POLR3B: variants seen among roughly 807,000 people sequenced by gnomAD.
The protein encoded by POLR3B is RNA polymerase III subunit B.
In POLR3B, 96 loss-of-function variants were observed where a neutral mutation model predicts 147.4. That is an observed-to-expected ratio of 0.65 (90% confidence interval 0.55 to 0.77). POLR3B has a LOEUF of 0.77. Among genes scored for constraint, POLR3B ranks in the 30% least tolerant of loss-of-function variants. The pLI is 0.00. For missense variants in POLR3B, 1,036 were observed against 1,413.5 expected, an observed-to-expected ratio of 0.73 and a Z score of 4.28; for synonymous variants, 461 against 485.9, an observed-to-expected ratio of 0.95 and a Z score of 0.67.
chr12:106,433,669 G>A lies in POLR3B; in HGVS notation c.1628-50G>A, dbSNP rs751893102. 10 of 1,484,820 alleles carry A rather than the reference G, an allele frequency of 6.7e-6. No homozygotes were observed. In the Admixed American group the frequency reaches 1.4e-4, roughly 21 times the overall value. The allele number at this position is 1,484,820 out of a possible 1,614,324, so 92.0% of individuals were successfully genotyped here. A position where few individuals can be genotyped will look rare whatever the true frequency, so the allele number is the denominator to read the frequency against. On this transcript the variant is annotated intron_variant, in intron 15 of 27. Coordinates refer to ENST00000228347, the MANE Select transcript of POLR3B (RefSeq NM_018082.6). ...TTATTGGTTGGATATATTAAATCAG[G>A]TTGCATTTATTTTTTATTTCTGTCT... is the stretch of plus-strand genomic sequence containing the variant.
chr12:106,410,628 A>G, intron 11 of POLR3B, 198 bp from the exon 12 acceptor site: 1 of 595,620 alleles, frequency 1.7e-6, no homozygotes, highest in Non-Finnish European at 3.0e-6. Flanking sequence ...AGGTACTCAC[A>G]GGTTACTGAG....
chr12:106,388,451 G>T (rs2036870391), intron 9 of POLR3B, among the ~76,000 whole-genome samples: 1 of 152,040 alleles, frequency 6.6e-6, no homozygotes, highest in Non-Finnish European at 1.5e-5. Context: ...CCAAGTAGCT[G>T]GGATTACAGG....
chr12:106,483,499 G>A (rs373140403), intron 23 of POLR3B, among the ~76,000 whole-genome samples: 2 of 152,310 alleles, frequency 1.3e-5, no homozygotes, highest in East Asian at 3.9e-4. Flanking sequence ...ATAGTTAAAT[G>A]CTAAATTATA....
intron 6 of POLR3B, among the ~76,000 whole-genome samples, chr12:106,375,495 A>G (rs895183908): frequency 4.0e-5 from 6 of 151,650 alleles, no homozygotes; most frequent in African/African-American, 1.5e-4. Flanking sequence ...TGACTCTTAA[A>G]CTCTCTTTCA....
At chr12:106,362,975 A>G (rs2036489292) in intron 1 of POLR3B, among the ~76,000 whole-genome samples, 1 of 151,928 alleles carries the variant, frequency 6.6e-6, no homozygotes, top group Admixed American at 6.6e-5. Flanking sequence ...TTCCGTCATC[A>G]TAGATTAGCT....
chr12:106,376,980 G>A (rs10861585), intron 7 of POLR3B, among the ~76,000 whole-genome samples: 47,332 of 151,896 alleles, frequency 0.31, 9,298 homozygotes, highest in African/African-American at 0.55. Context: ...ACACATTCTT[G>A]TTTATTGCCA....
chr12:106,397,361 T>G (rs1002159628), intron 10 of POLR3B, among the ~76,000 whole-genome samples: 2 of 152,192 alleles, frequency 1.3e-5, no homozygotes, highest in African/African-American at 4.8e-5. Flanking sequence ...TTACAAGATA[T>G]AGAATATTTC....
At chr12:106,413,922 G>A (rs2037264602) in intron 12 of POLR3B, among the ~76,000 whole-genome samples, 1 of 151,622 alleles carries the variant, frequency 6.6e-6, no homozygotes, top group Non-Finnish European at 1.5e-5. Flanking sequence ...CATATTTTTG[G>A]TAATTTATTG....
chr12:106,365,882 T>TC (rs2036529964), intron 2 of POLR3B, among the ~76,000 whole-genome samples: 1 of 151,930 alleles, frequency 6.6e-6, no homozygotes, highest in Non-Finnish European at 1.5e-5. Context: ...AATTTTTTTT[T>TC]TGTTAAAAAC....
intron 9 of POLR3B, among the ~76,000 whole-genome samples, chr12:106,385,958 T>C (rs2036830119): frequency 6.6e-6 from 1 of 152,232 alleles, no homozygotes; most frequent in African/African-American, 2.4e-5. Flanking sequence ...ACGGTTTGCA[T>C]TTTTTAAGCA....
chr12:106,441,756 G>T (rs960769798), intron 18 of POLR3B, among the ~76,000 whole-genome samples: 2 of 151,720 alleles, frequency 1.3e-5, no homozygotes, highest in South Asian at 4.2e-4. Context: ...GTTTTCATTC[G>T]AACTAAATTT....
intron 1 of POLR3B, among the ~76,000 whole-genome samples, chr12:106,362,112 T>C (rs1435969903): frequency 6.6e-6 from 1 of 152,086 alleles, no homozygotes; most frequent in Admixed American, 6.6e-5. Context: ...CAAGAAAGTT[T>C]TAAATTTTTT....
intron 22 of POLR3B, among the ~76,000 whole-genome samples, chr12:106,462,565 C>T (rs2037953491): frequency 6.6e-6 from 1 of 152,080 alleles, no homozygotes; most frequent in Non-Finnish European, 1.5e-5. Flanking sequence ...CTACTCTGGC[C>T]ATGTTACTCT....
chr12:106,491,054 A>G (rs985467236), intron 23 of POLR3B, among the ~76,000 whole-genome samples: 1 of 152,190 alleles, frequency 6.6e-6, no homozygotes, highest in African/African-American at 2.4e-5. Flanking sequence ...CTATTCATTA[A>G]GTTGGTCTCC....
chr12:106,469,986 A>C (rs1238793996), intron 23 of POLR3B, among the ~76,000 whole-genome samples: 1 of 151,974 alleles, frequency 6.6e-6, no homozygotes, highest in East Asian at 1.9e-4. Flanking sequence ...CCTGAATTTG[A>C]ATGTTGGCCT....
chr12:106,442,481 A>C (rs1349066182), intron 18 of POLR3B, among the ~76,000 whole-genome samples: 1 of 152,210 alleles, frequency 6.6e-6, no homozygotes, highest in Non-Finnish European at 1.5e-5. Flanking sequence ...TTCCTGCTTA[A>C]CAAAGGAAGT....
intron 10 of POLR3B, among the ~76,000 whole-genome samples, chr12:106,394,691 G>T (rs1013099710): frequency 2.6e-5 from 4 of 152,172 alleles, no homozygotes; most frequent in African/African-American, 9.7e-5. Flanking sequence ...CTGTTAAATA[G>T]GTTCTGACAG....
chr12:106,469,856 G>A (rs573691223), intron 23 of POLR3B, among the ~76,000 whole-genome samples: 6 of 152,188 alleles, frequency 3.9e-5, no homozygotes, highest in Non-Finnish European at 2.9e-5. Context: ...TGGGTAACCC[G>A]AGCTTTCTCT....
intron 23 of POLR3B, among the ~76,000 whole-genome samples, chr12:106,491,209 C>T (rs1339857896): frequency 1.3e-5 from 2 of 152,160 alleles, no homozygotes; most frequent in African/African-American, 4.8e-5. Context: ...ACAATTGCTT[C>T]ATGAGATAGG....
Sources: gnomAD v4.1 joint callset for allele counts (sites outside exome capture counted in the v4.1 genomes callset) on GRCh38, gnomAD v4.1.1 for gene constraint, MANE v1.5 for transcripts, NCBI Gene and HGNC (gene_info 2026-07-23, HGNC 2026-07-21) for gene names.